BMPR1B: variants seen among roughly 807,000 people sequenced by gnomAD.
BMPR1B encodes the protein bone morphogenetic protein receptor type-1B.
In BMPR1B, 12 loss-of-function variants were observed where a neutral mutation model predicts 59.1. That is an observed-to-expected ratio of 0.20 (90% CI 0.13 to 0.33). BMPR1B has a LOEUF of 0.33. Among genes scored for constraint, BMPR1B ranks in the 10% least tolerant of loss-of-function variants. The pLI is 1.00. For missense variants in BMPR1B, 550 were observed against 610.9 expected, an observed-to-expected ratio of 0.90 and a Z score of 1.05; for synonymous variants, 237 against 207.3, an observed-to-expected ratio of 1.14 and a Z score of -1.23.
At chr4:94,817,586 C>A (rs1724057342) in intron 1 of BMPR1B, among the ~76,000 whole-genome samples, 1 of 151,904 alleles carries the variant, frequency 6.6e-6, no homozygotes, top group African/African-American at 2.4e-5. Context: ...TGATAATTAG[C>A]CATATGCTTC....
chr4:95,145,331 T>A lies in BMPR1B; in HGVS notation c.1077-3417T>A, dbSNP rs187036415. ...ATTATTGTCTCTGAGTCTACAGCCCTTGTGCAGTATCTATCTTTTCTTGTC... is the reference window on the plus strand; with the variant it reads ...ATTATTGTCTCTGAGTCTACAGCCCATGTGCAGTATCTATCTTTTCTTGTC... On this transcript the variant is annotated intron_variant, in intron 10 of 12. Coordinates refer to ENST00000515059, the MANE Select transcript of BMPR1B (RefSeq NM_001203.3). Among the ~76,000 whole-genome samples, 210 of 152,340 alleles carry A rather than the reference T, an allele frequency of 1.4e-3. 1 individual carries two copies. The East Asian group carries it at 0.034, about 24-fold the overall frequency.
chr4:94,904,211 T>A (rs900471790), intron 2 of BMPR1B, among the ~76,000 whole-genome samples: 12 of 152,026 alleles, frequency 7.9e-5, no homozygotes, highest in African/African-American at 2.9e-4. Context: ...CATCAATGAT[T>A]TGCTGTAGAA....
At chr4:94,841,040 C>T (rs1235529785) in intron 1 of BMPR1B, among the ~76,000 whole-genome samples, 3 of 147,726 alleles carry the variant, frequency 2.0e-5, no homozygotes, top group Non-Finnish European at 4.5e-5. Flanking sequence ...TGTCAGTGTG[C>T]CCCTGCTAGG....
rs571793477 is a variant in BMPR1B at position 94,908,061 on chromosome 4, TAAAAA to T, written c.-113+32186_-113+32190del. Reference sequence around the variant, plus strand: ...GGGCAATGCAGTGAGACCCTGTCTTTAAAAAAAAAAAAAAAAAAAAAAAAAAAAAG... The same window carrying T: ...GGGCAATGCAGTGAGACCCTGTCTTTAAAAAAAAAAAAAAAAAAAAAAAAG... On this transcript the variant is annotated intron_variant, in intron 2 of 12. Transcript: ENST00000515059. 6.1e-4 allele frequency among the ~76,000 whole-genome samples: 28 copies of T among 46,256 alleles called. 2 individuals carry two copies. The highest frequency in any genetic ancestry group is 6.2e-4 in the Non-Finnish European group (14 of 22,680). The allele number at this position is 46,256 out of a possible 152,430, so 30.3% of individuals were successfully genotyped here.
At chr4:94,886,082 A>G (rs1414402139) in intron 2 of BMPR1B, among the ~76,000 whole-genome samples, 1 of 152,198 alleles carries the variant, frequency 6.6e-6, no homozygotes, top group Non-Finnish European at 1.5e-5. Flanking sequence ...ATCCAGGTAT[A>G]TGCAGTTTGT....
rs142404916 is a variant in BMPR1B at position 95,093,721 on chromosome 4, C to T, written c.-17-10687C>T. The stretch of plus-strand genomic sequence containing the variant: ...GAAAACATGATTATCCATCATAACC[C>T]GGGTGATGTGTAATGTCGATGTGTG... On this transcript the variant is annotated intron_variant, in intron 3 of 12. Transcript: ENST00000515059. 1.5e-3 allele frequency among the ~76,000 whole-genome samples: 235 copies of T among 151,924 alleles called. 1 individual carries two copies. Among genetic ancestry groups the T allele is most frequent in the African/African-American group, 5.3e-3 (220 of 41,454 alleles).
chr4:95,129,781 C>G (rs887550794), intron 8 of BMPR1B, 81 bp from the exon 9 acceptor site: 23 of 1,400,926 alleles, frequency 1.6e-5, no homozygotes, highest in Admixed American at 5.5e-5. Flanking sequence ...ATGCAGTAAT[C>G]GTTTCTTCTC....
At chr4:95,091,106 A>G (rs1319429219) in intron 3 of BMPR1B, among the ~76,000 whole-genome samples, 1 of 152,130 alleles carries the variant, frequency 6.6e-6, no homozygotes, top group Admixed American at 6.6e-5. Context: ...AGGATATTAT[A>G]AAGATAGATT....
chr4:94,774,659 C>G (rs1722303541), intron 1 of BMPR1B, among the ~76,000 whole-genome samples: 2 of 152,072 alleles, frequency 1.3e-5, no homozygotes, highest in Non-Finnish European at 1.5e-5. Flanking sequence ...CCTGTTGACT[C>G]AGTCCCTCCC....
chr4:95,127,569 TAAATGTGGGAAGTTTCCTCTC>T (rs1732996771), intron 8 of BMPR1B, among the ~76,000 whole-genome samples: 1 of 152,172 alleles, frequency 6.6e-6, no homozygotes, highest in African/African-American at 2.4e-5. Context: ...TTTTCTTTAA[TAAATGTGGGAAGTTTCCTCTC>T]AAATGAGTGA....
intron 2 of BMPR1B, among the ~76,000 whole-genome samples, chr4:94,964,314 T>A (rs574365042): frequency 6.6e-6 from 1 of 152,312 alleles, no homozygotes; most frequent in African/African-American, 2.4e-5. Flanking sequence ...CTTTCTTTCT[T>A]TCTTTCTCTT....
At chr4:94,913,056 T>A (rs990479547) in intron 2 of BMPR1B, among the ~76,000 whole-genome samples, 4 of 152,164 alleles carry the variant, frequency 2.6e-5, no homozygotes, top group African/African-American at 9.7e-5. Flanking sequence ...TTAAATACAT[T>A]TTAAGCTTTA....
chr4:95,053,451 T>G (rs1560619685), intron 3 of BMPR1B, among the ~76,000 whole-genome samples: 1 of 152,138 alleles, frequency 6.6e-6, no homozygotes, highest in Admixed American at 6.5e-5. Context: ...TCAAATGAAT[T>G]ATCTTATTGT....
chr4:94,803,725 C>T (rs756183692), intron 1 of BMPR1B, among the ~76,000 whole-genome samples: 14 of 151,958 alleles, frequency 9.2e-5, no homozygotes, highest in South Asian at 4.1e-4. Flanking sequence ...TCTTATTTTC[C>T]GAATGTCAGA....
chr4:94,877,699 A>C (rs116646944), intron 2 of BMPR1B, among the ~76,000 whole-genome samples: 3,383 of 152,330 alleles, frequency 0.022, 48 homozygotes, highest in Non-Finnish European at 0.035. Flanking sequence ...TTTTTAAACT[A>C]TAAGAAAGTG....
chr4:95,083,100 T>A (rs1379138494), intron 3 of BMPR1B, among the ~76,000 whole-genome samples: 1 of 147,514 alleles, frequency 6.8e-6, no homozygotes, highest in African/African-American at 2.5e-5. Flanking sequence ...GGTTAGAGAA[T>A]TTATCTTCCT....
chr4:94,969,797 T>C (rs2149075285), intron 2 of BMPR1B, among the ~76,000 whole-genome samples: 1 of 152,346 alleles, frequency 6.6e-6, no homozygotes. Context: ...TCTTTAGTTC[T>C]GATAGCAGTG....
At chr4:94,956,830 G>A (rs28675954) in intron 2 of BMPR1B, among the ~76,000 whole-genome samples, 4,757 of 151,670 alleles carry the variant, frequency 0.031, 116 homozygotes, top group African/African-American at 0.065. Context: ...TCTTCAAAAA[G>A]GCTCAGTTTC....
intron 12 of BMPR1B, 21 bp downstream of exon 12, chr4:95,152,794 G>A (rs1402945910): frequency 6.2e-7 from 1 of 1,611,340 alleles, no homozygotes; most frequent in East Asian, 2.2e-5. Context: ...AGGTAACCAT[G>A]TGGCTGTGAC....
Sources: gnomAD v4.1 joint callset for allele counts (sites outside exome capture counted in the v4.1 genomes callset) on GRCh38, gnomAD v4.1.1 for gene constraint, MANE v1.5 for transcripts, NCBI Gene and HGNC (gene_info 2026-07-23, HGNC 2026-07-21) for gene names.